PLCE1: variants seen among roughly 807,000 people sequenced by gnomAD.
PLCE1 encodes 1-phosphatidylinositol 4,5-bisphosphate phosphodiesterase epsilon-1.
In PLCE1, 119 loss-of-function variants were observed where a neutral mutation model predicts 242.8. That is an observed-to-expected ratio of 0.49 (90% CI 0.42 to 0.57). The LOEUF is 0.57. Among genes scored for constraint, PLCE1 ranks in the 20% least tolerant of loss-of-function variants. The pLI is 0.00. For missense variants in PLCE1, 2,441 were observed against 2,788.8 expected, an observed-to-expected ratio of 0.88 and a Z score of 2.81; for synonymous variants, 945 against 1,017.4, an observed-to-expected ratio of 0.93 and a Z score of 1.35.
At chr10:94,137,857 G>A in intron 3 of PLCE1, 1 of 261,810 alleles carries the variant, frequency 3.8e-6, no homozygotes, top group Non-Finnish European at 7.8e-6. Flanking sequence ...TTCATAATTT[G>A]CTGCTCAACT....
At chr10:94,228,780 G>A (rs749363789) in intron 5 of PLCE1, among the ~76,000 whole-genome samples, 17 of 152,010 alleles carry the variant, frequency 1.1e-4, no homozygotes, top group Admixed American at 2.0e-4. Flanking sequence ...AATGCATCAG[G>A]CATGGCTCAA....
At chr10:94,023,406 G>T (rs968954921) in intron 1 of PLCE1, among the ~76,000 whole-genome samples, 1 of 151,812 alleles carries the variant, frequency 6.6e-6, no homozygotes, top group South Asian at 2.1e-4. Context: ...TTGTAGATCT[G>T]TGTGTGTTTG....
chr10:94,091,024 A>G (rs1236837143), intron 2 of PLCE1, among the ~76,000 whole-genome samples: 2 of 152,140 alleles, frequency 1.3e-5, no homozygotes, highest in Non-Finnish European at 2.9e-5. Context: ...TTTTCCTCAA[A>G]TGTTTTCAGA....
At chr10:94,270,717 T>G in intron 18 of PLCE1, 115 bp downstream of exon 18, 1 of 762,896 alleles carries the variant, frequency 1.3e-6, no homozygotes, top group Non-Finnish European at 2.4e-6. Context: ...TCACCCAGGC[T>G]GGAGTGCAGT....
intron 32 of PLCE1, 177 bp downstream of exon 32, chr10:94,325,281 G>T: frequency 1.7e-6 from 1 of 588,868 alleles, no homozygotes. Flanking sequence ...AACATGATAT[G>T]CTATTGAACA....
At chr10:94,043,997 A>T (rs2061828406) in intron 2 of PLCE1, among the ~76,000 whole-genome samples, 1 of 152,214 alleles carries the variant, frequency 6.6e-6, no homozygotes, top group African/African-American at 2.4e-5. Context: ...AGGAAAAAGA[A>T]TGTGAATGAA....
intron 29 of PLCE1, among the ~76,000 whole-genome samples, chr10:94,319,798 T>A (rs530220624): frequency 6.6e-6 from 1 of 151,928 alleles, no homozygotes; most frequent in East Asian, 1.9e-4. Context: ...GTTCATAACC[T>A]GTGGCTTCGA....
In PLCE1 at chr10:94,332,391, A is replaced by C. The variant is rs2054170052; in HGVS notation, c.*4448A>C. On this transcript the variant is annotated 3_prime_UTR_variant, in exon 33 of 33. Coordinates refer to ENST00000371380, the MANE Select transcript of PLCE1 (RefSeq NM_016341.4). ...GGTTGTCTTACACCCATTATTTCCC[A>C]CCCCACTCTTAAGTGCCAGCATAGT... is the stretch of plus-strand genomic sequence containing the variant. The C allele has an allele frequency of 2.0e-5, 3 of 151,924 alleles. No homozygotes were observed. The South Asian group carries it at 6.2e-4, about 32-fold the overall frequency. The allele number at this position is 151,924 out of a possible 1,614,324, so 9.4% of individuals were successfully genotyped here.
At chr10:94,252,761 G>C (rs1258706528) in intron 9 of PLCE1, among the ~76,000 whole-genome samples, 1 of 152,152 alleles carries the variant, frequency 6.6e-6, no homozygotes, top group East Asian at 1.9e-4. Context: ...CACCCACAAA[G>C]TGCTGTGGGG....
Position 94,236,010 on chromosome 10 carries a change from C to T in PLCE1, c.2310C>T (p.Ile770=). 2 of 1,614,086 alleles carry T rather than the reference C, an allele frequency of 1.2e-6. No individual in the cohort carries two copies. The highest frequency in any genetic ancestry group is 1.7e-6 in the Non-Finnish European group (2 of 1,179,954). The change falls in exon 7 of 33, where the codon ATC becomes ATT. Residue 770 remains isoleucine (I), a synonymous_variant. Coordinates refer to ENST00000371380, the MANE Select transcript of PLCE1 (RefSeq NM_016341.4). ...NSEKESTVNS[I]FQVIRSCNRS... ...AGAAGGAGTCCACTGTCAACAGCATCTTTCAGGTCATCCGGAGCTGCAATC... is the reference window on the plus strand; with the variant it reads ...AGAAGGAGTCCACTGTCAACAGCATTTTTCAGGTCATCCGGAGCTGCAATC...
At chr10:94,162,649 A>G (rs113461243) in intron 3 of PLCE1, among the ~76,000 whole-genome samples, 2 of 151,702 alleles carry the variant, frequency 1.3e-5, no homozygotes, top group African/African-American at 2.4e-5. Flanking sequence ...TTGTGTCTCT[A>G]TTTCCTTCAG....
chr10:94,020,749 T>C (rs1203604581), intron 1 of PLCE1, among the ~76,000 whole-genome samples: 2 of 152,122 alleles, frequency 1.3e-5, no homozygotes, highest in African/African-American at 2.4e-5. Flanking sequence ...TTGTGGGAAG[T>C]GTCTGTTCAA....
chr10:94,109,017 T>C (rs966256198), intron 2 of PLCE1: 6 of 152,196 alleles, frequency 3.9e-5, no homozygotes, highest in Admixed American at 3.9e-4. Flanking sequence ...GCTTGCTAGT[T>C]GATATAGACA....
chr10:94,186,008 G>T (rs79854311), intron 4 of PLCE1, among the ~76,000 whole-genome samples: 1,581 of 152,314 alleles, frequency 0.01, 23 homozygotes, highest in East Asian at 0.077. Flanking sequence ...TGAGGATGCG[G>T]CTCGATTTGT....
chr10:94,025,870 A>G (rs1469862559), intron 1 of PLCE1, among the ~76,000 whole-genome samples: 1 of 152,200 alleles, frequency 6.6e-6, no homozygotes, highest in Non-Finnish European at 1.5e-5. Flanking sequence ...TTATTTATCT[A>G]GTACATGGAC....
intron 23 of PLCE1, among the ~76,000 whole-genome samples, chr10:94,296,966 C>T (rs939702883): frequency 4.6e-5 from 7 of 151,992 alleles, no homozygotes; most frequent in Admixed American, 1.3e-4. Context: ...CTCCACCTCC[C>T]GGGTTCAAGC....
intron 2 of PLCE1, chr10:94,100,022 A>G (rs553369749): frequency 6.6e-6 from 1 of 152,296 alleles, no homozygotes; most frequent in East Asian, 1.9e-4. Context: ...GTTGTGATGA[A>G]GAGCCTGGTG....
intron 1 of PLCE1, among the ~76,000 whole-genome samples, chr10:94,013,146 T>A (rs774538128): frequency 3.9e-5 from 6 of 152,236 alleles, no homozygotes; most frequent in Non-Finnish European, 7.3e-5. Flanking sequence ...GGCAGATCCC[T>A]AACTTCATAA....
rs1564860133 is a variant in PLCE1, at chr10:94,283,826, G to A, written c.4832G>A (p.Cys1611Tyr). The A allele has an allele frequency of 1.2e-6, 2 of 1,612,026 alleles. No individual in the cohort carries two copies. The highest frequency in any genetic ancestry group is 1.7e-6 in the Non-Finnish European group (2 of 1,178,608). The stretch of plus-strand genomic sequence containing the variant: ...GAAGACAGACCTGAAAATAAATCAT[G>A]TAATGACAAGCTTCAGTTTGAATAT... ...ILEDRPENKS[C>Y]NDKLQFEYNE... Residue 1611 changes from cysteine (C) to tyrosine (Y), a missense_variant, in exon 21 of 33, where the codon TGT becomes TAT. By Grantham distance (194) the Cys-to-Tyr change is radical (BLOSUM62 -2). Coordinates refer to ENST00000371380, the MANE Select transcript of PLCE1 (RefSeq NM_016341.4).
Sources: gnomAD v4.1 joint callset for allele counts (sites outside exome capture counted in the v4.1 genomes callset) on GRCh38, gnomAD v4.1.1 for gene constraint, MANE v1.5 for transcripts, NCBI Gene and HGNC (gene_info 2026-07-23, HGNC 2026-07-21) for gene names.